Variants in PCDHA3 observed in about 807,000 individuals in gnomAD.
The protein encoded by PCDHA3 is protocadherin alpha 3.
Under a neutral mutation model 62.2 loss-of-function variants are expected in PCDHA3, and 41 were observed. The ratio of observed to expected loss-of-function variants is 0.66; its 90% confidence interval spans 0.51 to 0.86. The LOEUF is 0.86. Among genes scored for constraint, PCDHA3 ranks in the 40% least tolerant of loss-of-function variants. The pLI, the probability that PCDHA3 is intolerant of heterozygous loss-of-function variation, is 0.00. For synonymous variants in PCDHA3, 640 were observed against 555.4 expected, an observed-to-expected ratio of 1.15 and a Z score of -2.14; for missense variants, 1,304 against 1,241.2, an observed-to-expected ratio of 1.05 and a Z score of -0.76.
At position 140,849,698 on chromosome 5, in the gene PCDHA3, C is replaced by A. The variant is rs2150445577; in HGVS notation, c.2394+46107C>A. 5 of 1,598,548 alleles carry A rather than the reference C, an allele frequency of 3.1e-6. No individual in the cohort carries two copies. The East Asian group carries it at 1.1e-4, about 36-fold the overall frequency. ...TCCCCTTCAAGCTGGTGTCCACCTA[C>A]AAGAATTACTACTCGTTGGTGCTGG... On this transcript the variant is annotated intron_variant, in intron 1 of 3. Coordinates refer to ENST00000522353, the MANE Select transcript of PCDHA3 (RefSeq NM_018906.3).
intron 1 of PCDHA3, chr5:140,871,086 G>A (rs556097993): frequency 6.6e-5 from 106 of 1,613,256 alleles, no homozygotes; most frequent in Middle Eastern, 1.6e-4. Flanking sequence ...TGACGGCCAC[G>A]GCCACCGTGC....
intron 1 of PCDHA3, among the ~76,000 whole-genome samples, chr5:140,914,530 C>T (rs1305035760): frequency 1.3e-5 from 2 of 152,096 alleles, no homozygotes; most frequent in African/African-American, 2.4e-5. Flanking sequence ...ATCCATTCAG[C>T]CACTTTATTT....
chr5:140,842,743 C>T lies in PCDHA3; in HGVS notation c.2394+39152C>T, dbSNP rs140156445. On this transcript the variant is annotated intron_variant, in intron 1 of 3. Transcript: ENST00000522353. ...AGAACAACCCGCCGGGCTGCCACATCTTCACGGTGTCTGCGCGAGACGCGG... is the reference window on the plus strand; with the variant it reads ...AGAACAACCCGCCGGGCTGCCACATTTTCACGGTGTCTGCGCGAGACGCGG... The T allele has an allele frequency of 1.0e-5, 16 of 1,595,026 alleles. No homozygotes were observed. The African/African-American group carries it at 1.9e-4, about 19-fold the overall frequency.
rs2150355874 is a variant in PCDHA3, at chr5:140,843,244, C to G, written c.2394+39653C>G. 38 of 1,595,906 alleles carry G rather than the reference C, an allele frequency of 2.4e-5. 6 individuals carry two copies. The Middle Eastern group carries it at 6.6e-4, about 28-fold the overall frequency. On this transcript the variant is annotated intron_variant, in intron 1 of 3. Transcript: ENST00000522353. ...CCACTCGTGTCCTGGACGAAGCGGA[C>G]TCTCCGCGCCACCGTCTGCTGGTCC...
intron 1 of PCDHA3, chr5:140,836,868 C>T (rs1321806293): frequency 1.4e-6 from 1 of 730,902 alleles, no homozygotes; most frequent in East Asian, 2.8e-5. Flanking sequence ...TAATGTTATG[C>T]TGTATTTGCA....
At chr5:140,867,727 A>G (rs1554161460) in intron 1 of PCDHA3, 1 of 152,094 alleles carries the variant, frequency 6.6e-6, no homozygotes. Context: ...GAAAAGACAA[A>G]GAAAATTCAA....
intron 2 of PCDHA3, 91 bp downstream of exon 2, chr5:140,979,098 A>C: frequency 1.3e-6 from 2 of 1,547,480 alleles, no homozygotes; most frequent in East Asian, 2.3e-5. Flanking sequence ...AGCAGCTGTC[A>C]AAACTAAAAA....
rs116357285 is a variant in PCDHA3, at chr5:140,877,275, C to T, written c.2394+73684C>T. 2.8e-4 allele frequency: 456 copies of T among 1,613,776 alleles called. 1 individual carries two copies. In the African/African-American group the frequency reaches 4.6e-3, roughly 16 times the overall value. Reference sequence around the variant, plus strand: ...AAGTGCGCGCGGTGGACGCTGACTCCGGCTATAACGCTTGGCTGTCCTACG... The same window carrying T: ...AAGTGCGCGCGGTGGACGCTGACTCTGGCTATAACGCTTGGCTGTCCTACG... On this transcript the variant is annotated intron_variant, in intron 1 of 3. Transcript: ENST00000522353.
At chr5:140,894,656 C>T (rs2064591261) in intron 1 of PCDHA3, among the ~76,000 whole-genome samples, 2 of 151,616 alleles carry the variant, frequency 1.3e-5, no homozygotes, top group Non-Finnish European at 2.9e-5. Flanking sequence ...CTCTCTAATT[C>T]TGATTTGTGT....
At chr5:140,848,313 C>T in intron 1 of PCDHA3, 1 of 730,618 alleles carries the variant, frequency 1.4e-6, no homozygotes, top group Non-Finnish European at 2.3e-6. Context: ...CACTCTTTGC[C>T]GCGATGTTCT....
At chr5:140,822,657 TA>T (rs2150118290) in intron 1 of PCDHA3, 18 of 1,608,594 alleles carry the variant, frequency 1.1e-5, no homozygotes, top group Non-Finnish European at 1.4e-5. Context: ...AATTTATAAT[TA>T]ATTCTAATAC....
intron 1 of PCDHA3, chr5:140,829,079 A>C (rs1770100550): frequency 6.2e-7 from 1 of 1,611,828 alleles, no homozygotes; most frequent in South Asian, 1.1e-5. Flanking sequence ...CCATCCTCCC[A>C]TGGCGGGTCA....
chr5:140,857,309 G>C lies in PCDHA3; in HGVS notation c.2394+53718G>C, dbSNP rs1287991839. ...GGACCGCGAGAGGGTGTCGGCCTAT[G>C]AGCTGGTGGTGACCGCGCGGGACGG... On this transcript the variant is annotated intron_variant, in intron 1 of 3. Transcript: ENST00000522353. The C allele has an allele frequency of 3.8e-6, 6 of 1,598,670 alleles. 1 individual carries two copies. In the Admixed American group the frequency reaches 1.0e-4, roughly 27 times the overall value.
At chr5:140,821,335 T>C (rs1766950723) in intron 1 of PCDHA3, among the ~76,000 whole-genome samples, 1 of 152,206 alleles carries the variant, frequency 6.6e-6, no homozygotes. Flanking sequence ...TAGTAAGGAT[T>C]GGGGTTTCAT....
intron 1 of PCDHA3, chr5:140,877,810 C>G (rs782370638): frequency 3.1e-6 from 5 of 1,610,364 alleles, no homozygotes; most frequent in Admixed American, 3.4e-5. Context: ...TCAGCTGTCT[C>G]GAGAAGATTG....
At chr5:140,865,232 A>T (rs577307618) in intron 1 of PCDHA3, 1 of 152,202 alleles carries the variant, frequency 6.6e-6, no homozygotes, top group Non-Finnish European at 1.5e-5. Context: ...ATCCCAGAGA[A>T]CACGTATTTA....
chr5:141,001,324 C>G (rs1455380423), intron 3 of PCDHA3, among the ~76,000 whole-genome samples: 2 of 152,154 alleles, frequency 1.3e-5, no homozygotes, highest in Non-Finnish European at 1.5e-5. Flanking sequence ...TGCCAAACAT[C>G]ACCATAATTT....
At chr5:140,903,229 T>C (rs2153479721) in intron 1 of PCDHA3, among the ~76,000 whole-genome samples, 1 of 152,340 alleles carries the variant, frequency 6.6e-6, no homozygotes, top group South Asian at 2.1e-4. Flanking sequence ...CATCTATTAC[T>C]TTTTGATTTT....
At chr5:140,925,146 A>G (rs1467973124) in intron 1 of PCDHA3, among the ~76,000 whole-genome samples, 5 of 151,742 alleles carry the variant, frequency 3.3e-5, no homozygotes, top group Admixed American at 3.3e-4. Flanking sequence ...AACATACACA[A>G]AAGTTGAGAG....
Sources: allele counts gnomAD v4.1 joint callset (sites outside exome capture counted in the v4.1 genomes callset), GRCh38; gene constraint gnomAD v4.1.1; transcripts MANE v1.5; gene names NCBI Gene and HGNC (gene_info 2026-07-23, HGNC 2026-07-21).